SLC1A3: variants seen among roughly 807,000 people sequenced by gnomAD.
SLC1A3 encodes excitatory amino acid transporter 1.
Under a neutral mutation model 48.1 loss-of-function variants are expected in SLC1A3, and 21 were observed. That is an observed-to-expected ratio of 0.44 (90% CI 0.31 to 0.63). The LOEUF is 0.63. SLC1A3 is among the 20% of genes least tolerant of loss of function. SLC1A3 has a pLI of 0.08. For missense variants in SLC1A3, 546 were observed against 689.0 expected (o/e 0.79, Z 2.32); for synonymous variants, 239 against 251.4 (o/e 0.95, Z 0.47).
Position 36,686,144 on chromosome 5 carries a change from C to A in SLC1A3, c.1504C>A (p.Leu502Met). 6.2e-7 allele frequency: 1 copy of A among 1,614,056 alleles called. No individual in the cohort carries two copies. ...TGTGGAGCACTTGTCACGACATGAA[C>A]TGAAGAACAGAGATGTTGAAATGGG... is the stretch of plus-strand genomic sequence containing the variant. The part of the protein sequence containing the change: ...GIVEHLSRHE[L>M]KNRDVEMGNS... Residue 502 changes from leucine to methionine, a missense_variant, in exon 10 of 10, where the codon CTG becomes ATG. This residue lies in a region of SLC1A3 where 56 missense variants were observed against 59.0 expected (regional missense o/e 0.95). Transcript: ENST00000265113.
chr5:36,621,797 T>A (rs1260570238), intron 2 of SLC1A3, among the ~76,000 whole-genome samples: 6 of 152,214 alleles, frequency 3.9e-5, no homozygotes, highest in Non-Finnish European at 4.4e-5. Flanking sequence ...GACCTCTGCA[T>A]GTTAGATTGA....
intron 1 of SLC1A3, among the ~76,000 whole-genome samples, chr5:36,597,029 GTTGTT>G (rs765660203): frequency 3.3e-5 from 5 of 151,996 alleles, no homozygotes; most frequent in Non-Finnish European, 7.4e-5. Flanking sequence ...TGTTTGGTTG[GTTGTT>G]TTGTTTTGTT....
intron 2 of SLC1A3, chr5:36,609,427 C>A: frequency 4.9e-6 from 1 of 204,974 alleles, no homozygotes; most frequent in Non-Finnish European, 8.6e-6. Context: ...TACGCCAATG[C>A]CAGGTTGTAA....
intron 3 of SLC1A3, among the ~76,000 whole-genome samples, chr5:36,644,208 C>T (rs1487566966): frequency 6.7e-6 from 1 of 148,672 alleles, no homozygotes; most frequent in African/African-American, 2.5e-5. Context: ...GTTAGTAATA[C>T]CTTTTGTTTG....
At chr5:36,604,657 GA>G (rs1738850246), upstream of SLC1A3, among the ~76,000 whole-genome samples, 2 of 151,906 alleles carry the variant, frequency 1.3e-5, no homozygotes, top group Non-Finnish European at 2.9e-5. Flanking sequence ...CTGAAATAAT[GA>G]AATGGTTTTT....
chr5:36,637,256 G>A (rs369533863), intron 3 of SLC1A3, among the ~76,000 whole-genome samples: 3 of 152,168 alleles, frequency 2.0e-5, no homozygotes, highest in East Asian at 1.9e-4. Context: ...TACCAGCCAC[G>A]ACAAACCATT....
At chr5:36,670,891 G>C in intron 3 of SLC1A3, 138 bp from the exon 4 acceptor site, 2 of 774,542 alleles carry the variant, frequency 2.6e-6, no homozygotes, top group Admixed American at 2.0e-5. Flanking sequence ...TTGGGGCCAG[G>C]TTCTCACAAC....
chr5:36,600,738 A>T (rs2111629946), intron 1 of SLC1A3, among the ~76,000 whole-genome samples: 1 of 152,308 alleles, frequency 6.6e-6, no homozygotes, highest in Non-Finnish European at 1.5e-5. Context: ...CTGGTCTTTC[A>T]GCTTAGAATC....
chr5:36,604,128 C>T (rs1236738760), upstream of SLC1A3, among the ~76,000 whole-genome samples: 1 of 152,156 alleles, frequency 6.6e-6, no homozygotes, highest in South Asian at 2.1e-4. Context: ...CATACTTCAT[C>T]ACACAATGTT....
chr5:36,632,605 T>C (rs1174715970), intron 3 of SLC1A3, among the ~76,000 whole-genome samples: 1 of 152,218 alleles, frequency 6.6e-6, no homozygotes, highest in African/African-American at 2.4e-5. Context: ...ATAGGAAATA[T>C]TTCCCAGTGG....
intron 2 of SLC1A3, among the ~76,000 whole-genome samples, chr5:36,618,886 T>C (rs1388180428): frequency 6.6e-6 from 1 of 152,258 alleles, no homozygotes; most frequent in Non-Finnish European, 1.5e-5. Flanking sequence ...TTAGAATACC[T>C]GTAGGATTAT....
intron 2 of SLC1A3, 80 bp downstream of exon 2, chr5:36,608,684 T>A: frequency 6.3e-7 from 1 of 1,585,698 alleles, no homozygotes; most frequent in Non-Finnish European, 8.6e-7. Flanking sequence ...TATTATCAGA[T>A]GAACTAGTTG....
chr5:36,599,970 C>A lies in SLC1A3; in HGVS notation c.-96+3292C>A, dbSNP rs576067692. 9.9e-5 allele frequency among the ~76,000 whole-genome samples: 15 copies of A among 152,232 alleles called. No homozygotes were observed. In the South Asian group the frequency reaches 2.9e-3, roughly 29 times the overall value. On this transcript the variant is annotated intron_variant, in intron 1 of 9. Transcript: ENST00000680318. ...CCGAGTAGCTAGGATTACAGGCATG[C>A]ACCACTATTTATTAATTGAGGTATC...
At position 36,672,056 on chromosome 5, in the gene SLC1A3, G is replaced by A. The variant is rs114507045; in HGVS notation, c.524+823G>A. The stretch of plus-strand genomic sequence containing the variant: ...AAAGGAACCTACAAACGATGGTAAG[G>A]CCTCAAAGCCCTAACAGTAAGAAAC... On this transcript the variant is annotated intron_variant, in intron 4 of 9. Transcript: ENST00000265113. Among the ~76,000 whole-genome samples the A allele has an allele frequency of 9.7e-3, 1,476 of 152,280 alleles. 21 individuals are homozygous for A. Among genetic ancestry groups the A allele is most frequent in the African/African-American group, 0.034 (1,408 of 41,562 alleles).
intron 2 of SLC1A3, among the ~76,000 whole-genome samples, chr5:36,626,344 C>G (rs961995386): frequency 1.3e-5 from 2 of 152,214 alleles, no homozygotes; most frequent in Admixed American, 6.5e-5. Context: ...GCTATTCTAT[C>G]AATTACTTAT....
intron 2 of SLC1A3, among the ~76,000 whole-genome samples, chr5:36,610,137 A>T (rs1739132763): frequency 6.6e-6 from 1 of 152,176 alleles, no homozygotes; most frequent in African/African-American, 2.4e-5. Flanking sequence ...TAAACTCTAG[A>T]GCTGGAAGTC....
intron 1 of SLC1A3, among the ~76,000 whole-genome samples, chr5:36,599,457 T>C (rs570655338): frequency 1.3e-5 from 2 of 148,962 alleles, no homozygotes; most frequent in South Asian, 4.3e-4. Flanking sequence ...TCCCTAGGAA[T>C]AGGCCTAAGA....
chr5:36,646,492 C>A (rs1740845927), intron 3 of SLC1A3, among the ~76,000 whole-genome samples: 1 of 152,166 alleles, frequency 6.6e-6, no homozygotes, highest in South Asian at 2.1e-4. Context: ...TTGGACAAAA[C>A]CACATTCAGG....
At chr5:36,624,386 C>G (rs1739816876) in intron 2 of SLC1A3, among the ~76,000 whole-genome samples, 1 of 152,180 alleles carries the variant, frequency 6.6e-6, no homozygotes, top group East Asian at 1.9e-4. Context: ...TGGAGCTGGA[C>G]AGTGTGGGTA....
Sources: allele counts gnomAD v4.1 joint callset (sites outside exome capture counted in the v4.1 genomes callset), GRCh38; gene constraint gnomAD v4.1.1; regional missense constraint gnomAD v4.1.1; transcripts MANE v1.5; gene names NCBI Gene and HGNC (gene_info 2026-07-23, HGNC 2026-07-21).